The following MACROD2 variants were observed in gnomAD, a reference collection of about 807,000 sequenced individuals.
MACROD2 encodes mono-ADP ribosylhydrolase 2.
MACROD2 carries 36 observed loss-of-function variants against 70.4 expected under a neutral mutation model. That is an observed-to-expected ratio of 0.51 (90% confidence interval 0.39 to 0.68). MACROD2 has a LOEUF of 0.68. MACROD2 is among the 30% of genes least tolerant of loss of function. The pLI, the probability that MACROD2 is intolerant of heterozygous loss-of-function variation, is 0.00. For missense variants in MACROD2, 496 were observed against 538.4 expected (o/e 0.92, Z 0.78); for synonymous variants, 172 against 178.8 (o/e 0.96, Z 0.30).
intron 5 of MACROD2, among the ~76,000 whole-genome samples, chr20:14,864,127 A>T (rs1002787846): frequency 6.6e-6 from 1 of 152,130 alleles, no homozygotes; most frequent in Non-Finnish European, 1.5e-5. Context: ...AAAATTTAAA[A>T]AGTTTCCATT....
chr20:15,290,455 G>C (rs1429677431), intron 6 of MACROD2, among the ~76,000 whole-genome samples: 3 of 152,152 alleles, frequency 2.0e-5, no homozygotes, highest in African/African-American at 7.2e-5. Flanking sequence ...CAGTGGTTTT[G>C]TTTAAAGCTG....
At chr20:15,466,288 A>G (rs1600452660) in intron 7 of MACROD2, among the ~76,000 whole-genome samples, 1 of 152,234 alleles carries the variant, frequency 6.6e-6, no homozygotes, top group East Asian at 1.9e-4. Context: ...CATTGTTAAC[A>G]TATACAGATT....
intron 4 of MACROD2, among the ~76,000 whole-genome samples, chr20:14,607,263 C>A (rs1982864965): frequency 6.6e-6 from 1 of 152,102 alleles, no homozygotes; most frequent in South Asian, 2.1e-4. Flanking sequence ...AATAGGACTG[C>A]TGAAGTAGCA....
chr20:14,794,208 C>G (rs969452376), intron 5 of MACROD2, among the ~76,000 whole-genome samples: 1 of 152,110 alleles, frequency 6.6e-6, no homozygotes, highest in African/African-American at 2.4e-5. Flanking sequence ...TTTGAAGAGA[C>G]CCCAATCCAC....
intron 5 of MACROD2, among the ~76,000 whole-genome samples, chr20:14,912,142 T>C (rs2074035350): frequency 6.6e-6 from 1 of 152,128 alleles, no homozygotes. Flanking sequence ...AGGGATCTGA[T>C]GATTACTCTT....
In MACROD2 at chr20:15,182,987, T is replaced by G. The variant is rs77899616; in HGVS notation, c.419-46953T>G. Among the ~76,000 whole-genome samples the G allele has an allele frequency of 3.5e-4, 53 of 152,304 alleles. No individual in the cohort carries two copies. In the East Asian group the frequency reaches 0.01, roughly 29 times the overall value. On this transcript the variant is annotated intron_variant, in intron 5 of 17. Coordinates refer to ENST00000684519, the MANE Select transcript of MACROD2 (RefSeq NM_001351661.2). ...AGTCAGAAGCTTTACTTGGTTTACT[T>G]TGTTGTAAAATTGTAACTGCTTTTG...
intron 6 of MACROD2, among the ~76,000 whole-genome samples, chr20:15,393,123 A>T (rs2045814637): frequency 6.6e-6 from 1 of 152,132 alleles, no homozygotes; most frequent in African/African-American, 2.4e-5. Flanking sequence ...CTCTGGCAAC[A>T]GGTGAATCCC....
chr20:14,527,113 C>G (rs561486123), intron 4 of MACROD2, among the ~76,000 whole-genome samples: 1 of 152,296 alleles, frequency 6.6e-6, no homozygotes, highest in African/African-American at 2.4e-5. Flanking sequence ...CTCCAACTGC[C>G]CCAGCCAAAC....
intron 5 of MACROD2, among the ~76,000 whole-genome samples, chr20:15,173,169 CAAAG>C (rs1170524710): frequency 2.0e-5 from 3 of 151,846 alleles, no homozygotes; most frequent in East Asian, 1.9e-4. Context: ...ACCCTAGACT[CAAAG>C]AAATTATCCA....
At chr20:14,811,100 A>G (rs963600334) in intron 5 of MACROD2, among the ~76,000 whole-genome samples, 2 of 152,104 alleles carry the variant, frequency 1.3e-5, no homozygotes, top group Non-Finnish European at 2.9e-5. Context: ...TAAATTTCAT[A>G]TGGAAACAAA....
intron 5 of MACROD2, among the ~76,000 whole-genome samples, chr20:15,020,613 A>T (rs888438678): frequency 2.6e-5 from 4 of 152,232 alleles, no homozygotes; most frequent in Middle Eastern, 3.4e-3. Context: ...TGAACATCGT[A>T]GAGTGATTTA....
At chr20:14,188,444 A>G (rs1396487339) in intron 3 of MACROD2, among the ~76,000 whole-genome samples, 1 of 152,172 alleles carries the variant, frequency 6.6e-6, no homozygotes, top group Non-Finnish European at 1.5e-5. Flanking sequence ...TTTAGATAAT[A>G]TTCCAAAGCT....
At chr20:15,558,065 T>C (rs544069163) in intron 8 of MACROD2, among the ~76,000 whole-genome samples, 1 of 152,280 alleles carries the variant, frequency 6.6e-6, no homozygotes, top group Non-Finnish European at 1.5e-5. Flanking sequence ...ATAACTAAGA[T>C]ATAAAAAGAT....
At chr20:14,075,973 C>G (rs537200689) in intron 2 of MACROD2, among the ~76,000 whole-genome samples, 2 of 152,234 alleles carry the variant, frequency 1.3e-5, no homozygotes, top group Non-Finnish European at 2.9e-5. Context: ...TCTTAAAAAT[C>G]TTCTCTATAA....
chr20:15,299,460 C>T (rs2077621732), intron 6 of MACROD2, among the ~76,000 whole-genome samples: 1 of 152,186 alleles, frequency 6.6e-6, no homozygotes, highest in Non-Finnish European at 1.5e-5. Context: ...TACGGTTTTG[C>T]AGATACTGTT....
chr20:14,340,757 AT>A, intron 3 of MACROD2, among the ~76,000 whole-genome samples: 2 of 152,298 alleles, frequency 1.3e-5, no homozygotes, highest in Middle Eastern at 3.4e-3. Flanking sequence ...TGCATTTCAG[AT>A]TGAAAGCAAC....
At chr20:15,942,666 C>T (rs188620417) in intron 12 of MACROD2, among the ~76,000 whole-genome samples, 3 of 152,230 alleles carry the variant, frequency 2.0e-5, no homozygotes, top group South Asian at 2.1e-4. Flanking sequence ...TCAAGTACTC[C>T]AGATGAAACT....
At chr20:15,042,066 G>C (rs187060531) in intron 5 of MACROD2, among the ~76,000 whole-genome samples, 1 of 152,144 alleles carries the variant, frequency 6.6e-6, no homozygotes, top group East Asian at 1.9e-4. Flanking sequence ...CAAGTCATAA[G>C]AAATAAACAC....
intron 3 of MACROD2, among the ~76,000 whole-genome samples, chr20:14,122,213 T>A (rs2054597287): frequency 6.6e-6 from 1 of 152,178 alleles, no homozygotes; most frequent in Non-Finnish European, 1.5e-5. Flanking sequence ...AAACTTGGAT[T>A]TGAATTGTCT....
Sources: gnomAD v4.1 joint callset for allele counts (sites outside exome capture counted in the v4.1 genomes callset) on GRCh38, gnomAD v4.1.1 for gene constraint, MANE v1.5 for transcripts, NCBI Gene and HGNC (gene_info 2026-07-23, HGNC 2026-07-21) for gene names.